DNAH12: variants seen among roughly 807,000 people sequenced by gnomAD.
DNAH12 encodes dynein axonemal heavy chain 12, also known as axonemal beta dynein heavy chain 12.
DNAH12 carries 285 observed loss-of-function variants against 371.5 expected under a neutral mutation model. That is an observed-to-expected ratio of 0.77 (90% CI 0.70 to 0.85). The LOEUF (loss-of-function observed/expected upper bound fraction) is 0.85. Ranked by LOEUF, DNAH12 falls within the 40% of genes least tolerant of loss-of-function variation. DNAH12 has a pLI of 0.00. For missense variants in DNAH12, 3,611 were observed against 3,689.4 expected, an observed-to-expected ratio of 0.98 and a Z score of 0.55; for synonymous variants, 1,200 against 1,213.0, an observed-to-expected ratio of 0.99 and a Z score of 0.22.
At chr3:57,524,804 A>C (rs1237780891) in intron 2 of DNAH12, among the ~76,000 whole-genome samples, 2 of 152,140 alleles carry the variant, frequency 1.3e-5, no homozygotes, top group Non-Finnish European at 2.9e-5. Flanking sequence ...TCAAAGGGGG[A>C]AAAAGGAAGC....
At chr3:57,390,903 C>T (rs1384500659) in intron 45 of DNAH12, among the ~76,000 whole-genome samples, 1 of 152,136 alleles carries the variant, frequency 6.6e-6, no homozygotes, top group Admixed American at 6.5e-5. Context: ...TGGTATAAAA[C>T]CAAATTCCTG....
intron 68 of DNAH12, among the ~76,000 whole-genome samples, 198 bp from the exon 69 acceptor site, chr3:57,309,452 T>C (rs1342668708): frequency 6.6e-6 from 1 of 152,218 alleles, no homozygotes; most frequent in East Asian, 1.9e-4. Context: ...CCAGGCATTT[T>C]ATAAGCCACT....
At position 57,482,935 on chromosome 3, in the gene DNAH12, G is replaced by A. The variant is rs184358656; in HGVS notation, c.1650+441C>T. ...CGGGGACTGTTGTGGGGTGGGGGGA[G>A]GGGGGAGGGATAGCATTAGGAGATA... On this transcript the variant is annotated intron_variant, in intron 13 of 73. Coordinates refer to ENST00000495027, the MANE Select transcript of DNAH12 (RefSeq NM_001366028.2). Among the ~76,000 whole-genome samples the A allele has an allele frequency of 3.3e-5, 4 of 120,244 alleles. No homozygotes were observed. In the East Asian group the frequency reaches 9.2e-4, roughly 28 times the overall value. 78.9% of individuals were successfully genotyped at this position (120,244 alleles called of 152,430 possible).
intron 70 of DNAH12, among the ~76,000 whole-genome samples, chr3:57,298,872 G>A (rs2061287751): frequency 6.6e-6 from 1 of 152,146 alleles, no homozygotes; most frequent in Admixed American, 6.5e-5. Context: ...CTTCAGGGCA[G>A]GACTTTTGTT....
intron 62 of DNAH12, among the ~76,000 whole-genome samples, chr3:57,325,937 C>A (rs932196473): frequency 6.6e-6 from 1 of 152,088 alleles, no homozygotes; most frequent in African/African-American, 2.4e-5. Flanking sequence ...GCCTCAGGAG[C>A]CGATGCGATC....
intron 60 of DNAH12, among the ~76,000 whole-genome samples, chr3:57,344,261 GA>G (rs148900521): frequency 0.012 from 1,033 of 86,398 alleles, 7 homozygotes; most frequent in African/African-American, 0.038. Context: ...ACCCCAGTTA[GA>G]ATGGCTATCA....
chr3:57,437,725 T>C (rs1479979203), intron 29 of DNAH12, among the ~76,000 whole-genome samples: 3 of 151,832 alleles, frequency 2.0e-5, no homozygotes, highest in Admixed American at 1.3e-4. Flanking sequence ...CGAACATCCA[T>C]GCTTTTGCTC....
chr3:57,413,797 C>A lies in DNAH12; in HGVS notation c.5969G>T (p.Gly1990Val). The A allele has an allele frequency of 2.6e-6, 4 of 1,551,232 alleles. No homozygotes were observed. The highest frequency in any genetic ancestry group is 3.5e-6 in the Non-Finnish European group (4 of 1,146,780). Residue 1990 changes from glycine (G) to valine (V), a missense_variant, in exon 39 of 74, where the codon GGA (glycine) becomes GTA (valine). Physicochemically the swap from Gly to Val is moderately radical, Grantham distance 109 (BLOSUM62 -3). Transcript: ENST00000495027. ...TAATAATTCAATAGGTGGTTGAGCTCCATACTTCTCCAATGCAGGCATATT... is the reference window on the plus strand; with the variant it reads ...TAATAATTCAATAGGTGGTTGAGCTACATACTTCTCCAATGCAGGCATATT... Reference protein sequence around the residue: ...DMNMPALEKYGAQPPIELLRQ... With the variant: ...DMNMPALEKYVAQPPIELLRQ...
At chr3:57,406,156 GC>G (rs2064018635) in intron 40 of DNAH12, among the ~76,000 whole-genome samples, 1 of 152,044 alleles carries the variant, frequency 6.6e-6, no homozygotes, top group South Asian at 2.1e-4. Context: ...TTCGAGACAA[GC>G]CTGGCCAACA....
At chr3:57,499,647 A>AAAAAAATATATATATATAT (rs1451248906) in intron 11 of DNAH12, among the ~76,000 whole-genome samples, 1 of 17,946 alleles carries the variant, frequency 5.6e-5, no homozygotes, top group Non-Finnish European at 1.2e-4. Context: ...AAAAAAAAAA[A>AAAAAAATATATATATATAT]ATATATATAT....
chr3:57,472,742 A>T, intron 13 of DNAH12, 71 bp from the exon 14 acceptor site: 2 of 1,445,842 alleles, frequency 1.4e-6, no homozygotes, highest in Non-Finnish European at 1.9e-6. Flanking sequence ...AGAAGAACCA[A>T]CAACAATCTC....
At position 57,344,562 on chromosome 3, in the gene DNAH12, G is replaced by T. The variant is rs182405101; in HGVS notation, c.9674+7523C>A. 2.9e-3 allele frequency among the ~76,000 whole-genome samples: 446 copies of T among 152,158 alleles called. 1 individual carries two copies. Among genetic ancestry groups the T allele is most frequent in the African/African-American group, 9.9e-3 (413 of 41,518 alleles). On this transcript the variant is annotated intron_variant, in intron 60 of 73. Coordinates refer to ENST00000495027, the MANE Select transcript of DNAH12 (RefSeq NM_001366028.2). ...ACCTAAGTGTTCAACAACAGATGAA[G>T]GGATAAAGACAATGTGGTATACATA...
intron 62 of DNAH12, among the ~76,000 whole-genome samples, chr3:57,330,349 G>A (rs1295803399): frequency 6.6e-6 from 1 of 151,956 alleles, no homozygotes; most frequent in Non-Finnish European, 1.5e-5. Flanking sequence ...TTAAGAAAAT[G>A]TGGCACATAT....
intron 25 of DNAH12, among the ~76,000 whole-genome samples, chr3:57,449,457 G>A (rs1559673828): frequency 2.6e-5 from 4 of 152,228 alleles, no homozygotes; most frequent in East Asian, 1.9e-4. Context: ...GGGAGGCTCA[G>A]GCATGGCGGG....
chr3:57,314,458 G>C (rs968749921), intron 66 of DNAH12, 36 bp downstream of exon 66: 2 of 1,549,984 alleles, frequency 1.3e-6, no homozygotes, highest in Admixed American at 2.0e-5. Context: ...GATAAATAGT[G>C]ATCCTTCATG....
chr3:57,444,675 T>A lies in DNAH12; in HGVS notation c.4545+22A>T, dbSNP rs1291192628. 6 of 1,547,156 alleles carry A rather than the reference T, an allele frequency of 3.9e-6. No homozygotes were observed. The African/African-American group carries it at 8.2e-5, about 21-fold the overall frequency. ...GGATGAATTTATTATGCCGAATAAGTCATTCTCATGGGTTTACTTACGTGA... is the reference window on the plus strand; with the variant it reads ...GGATGAATTTATTATGCCGAATAAGACATTCTCATGGGTTTACTTACGTGA... On this transcript the variant is annotated intron_variant, in intron 29 of 73. Coordinates refer to ENST00000495027, the MANE Select transcript of DNAH12 (RefSeq NM_001366028.2).
intron 53 of DNAH12, among the ~76,000 whole-genome samples, chr3:57,376,757 A>G (rs2063290316): frequency 6.6e-6 from 1 of 152,120 alleles, no homozygotes; most frequent in Admixed American, 6.6e-5. Context: ...AATTGTTACC[A>G]TTTGCCTTGT....
rs528150707 is a variant in DNAH12 at position 57,461,836 on chromosome 3, A to C, written c.2536-147T>G. On this transcript the variant is annotated intron_variant, in intron 18 of 73. Transcript: ENST00000495027. ...TCTGTGAGTACAGTATAACTTTTTA[A>C]GTTAGAAGGTTTTTCAACAATTTAA... The C allele has an allele frequency of 2.1e-5, 14 of 678,178 alleles. No individual in the cohort carries two copies. The African/African-American group carries it at 2.3e-4, about 11-fold the overall frequency. 42.0% of individuals were successfully genotyped at this position (678,178 alleles called of 1,614,324 possible).
intron 11 of DNAH12, among the ~76,000 whole-genome samples, chr3:57,497,060 A>G (rs576972103): frequency 6.6e-6 from 1 of 152,348 alleles, no homozygotes; most frequent in East Asian, 1.9e-4. Context: ...GAGCTGTACA[A>G]TGCAAACTAT....
Sources: gnomAD v4.1 joint callset for allele counts (sites outside exome capture counted in the v4.1 genomes callset) on GRCh38, gnomAD v4.1.1 for gene constraint, MANE v1.5 for transcripts, NCBI Gene and HGNC (gene_info 2026-07-23, HGNC 2026-07-21) for gene names.